ZHX3: variants seen among roughly 807,000 people sequenced by gnomAD.
ZHX3 encodes zinc fingers and homeoboxes 3.
In ZHX3, 20 loss-of-function variants were observed where a neutral mutation model predicts 64.5. The observed-to-expected ratio is 0.31, with a 90% CI of 0.22 to 0.45. The LOEUF is 0.45. Ranked by LOEUF, ZHX3 falls within the 20% of genes least tolerant of loss-of-function variation. The pLI, the probability that ZHX3 is intolerant of heterozygous loss-of-function variation, is 1.00. For synonymous variants in ZHX3, 423 were observed against 461.6 expected (o/e 0.92, Z 1.07); for missense variants, 1,041 against 1,195.8 (o/e 0.87, Z 1.91).
chr20:41,186,390 A>C (rs937530292), intron 3 of ZHX3, among the ~76,000 whole-genome samples: 2 of 152,092 alleles, frequency 1.3e-5, no homozygotes, highest in Admixed American at 1.3e-4. Context: ...CATTTTCTTT[A>C]TTTATCTGGT....
At chr20:41,302,069 A>AT (rs1287849386) in intron 1 of ZHX3, among the ~76,000 whole-genome samples, 1 of 120,352 alleles carries the variant, frequency 8.3e-6, no homozygotes, top group Non-Finnish European at 1.8e-5. Flanking sequence ...AAAAAAAAAA[A>AT]AAAAAAAAAA....
chr20:41,246,960 T>C (rs1185252026), intron 2 of ZHX3, among the ~76,000 whole-genome samples: 3 of 151,914 alleles, frequency 2.0e-5, no homozygotes, highest in Non-Finnish European at 2.9e-5. Flanking sequence ...ACATGAACTC[T>C]TATAAAGAGT....
intron 2 of ZHX3, among the ~76,000 whole-genome samples, chr20:41,225,085 T>A (rs553214067): frequency 6.6e-6 from 1 of 152,350 alleles, no homozygotes; most frequent in African/African-American, 2.4e-5. Context: ...CGGTAGCTGA[T>A]AATGGAGTTA....
At chr20:41,286,070 T>C (rs1053875421) in intron 1 of ZHX3, among the ~76,000 whole-genome samples, 2 of 152,208 alleles carry the variant, frequency 1.3e-5, no homozygotes, top group Non-Finnish European at 2.9e-5. Context: ...CTCTTTTCAA[T>C]TAAAAATGCA....
intron 2 of ZHX3, among the ~76,000 whole-genome samples, chr20:41,206,097 A>C (rs918398743): frequency 6.6e-6 from 1 of 152,230 alleles, no homozygotes; most frequent in Non-Finnish European, 1.5e-5. Context: ...GACTGTTAGA[A>C]GGAAAACTAA....
intron 1 of ZHX3, among the ~76,000 whole-genome samples, chr20:41,273,261 T>C (rs1176884990): frequency 6.6e-6 from 1 of 152,026 alleles, no homozygotes; most frequent in Non-Finnish European, 1.5e-5. Context: ...GAGTTTTTCG[T>C]TTTGTTTTGT....
chr20:41,189,908 CAGA>C (rs2036858780), intron 3 of ZHX3, among the ~76,000 whole-genome samples: 1 of 152,082 alleles, frequency 6.6e-6, no homozygotes, highest in Non-Finnish European at 1.5e-5. Context: ...TTCCAGTTTT[CAGA>C]AGAAGGATTT....
chr20:41,211,849 G>T (rs1023192619), intron 2 of ZHX3, among the ~76,000 whole-genome samples: 1 of 152,300 alleles, frequency 6.6e-6, no homozygotes, highest in Non-Finnish European at 1.5e-5. Flanking sequence ...ATCTCAAAGA[G>T]CATCAACATT....
chr20:41,312,946 T>C (rs928497652), intron 1 of ZHX3, among the ~76,000 whole-genome samples: 3 of 151,896 alleles, frequency 2.0e-5, no homozygotes, highest in African/African-American at 7.3e-5. Context: ...AAAGCAACAG[T>C]GGAAGCTGGG....
intron 3 of ZHX3, among the ~76,000 whole-genome samples, chr20:41,189,971 C>A (rs2036866119): frequency 6.7e-6 from 1 of 149,934 alleles, no homozygotes; most frequent in African/African-American, 2.5e-5. Flanking sequence ...TATTTATGGC[C>A]TTTACTATCT....
At chr20:41,240,651 G>C (rs116358681) in intron 2 of ZHX3, among the ~76,000 whole-genome samples, 1 of 151,742 alleles carries the variant, frequency 6.6e-6, no homozygotes, top group Non-Finnish European at 1.5e-5. Flanking sequence ...TTTCCCCCCC[G>C]TCACTCACCC....
chr20:41,303,038 C>CA (rs5841407), intron 1 of ZHX3, among the ~76,000 whole-genome samples: 87,702 of 152,126 alleles, frequency 0.58, 26,535 homozygotes, highest in East Asian at 0.82. Flanking sequence ...TTATCCTCTT[C>CA]AAGTACTTTA....
At chr20:41,192,730 T>C (rs564579125) in intron 3 of ZHX3, among the ~76,000 whole-genome samples, 7 of 152,278 alleles carry the variant, frequency 4.6e-5, no homozygotes, top group South Asian at 4.1e-4. Context: ...TACAGTCTTT[T>C]GGGGGGTGGG....
At chr20:41,256,619 A>G (rs6029593) in intron 2 of ZHX3, among the ~76,000 whole-genome samples, 84,916 of 147,194 alleles carry the variant, frequency 0.58, 25,880 homozygotes, top group East Asian at 0.82. Flanking sequence ...GCCCCTTCGG[A>G]GGTTTTCAAC....
rs181193520 is a variant in ZHX3, at chr20:41,223,212, T to A, written c.-150-18146A>T. ...AGAAATAGGCACTCTCATACACTGC[T>A]TGCTGGAGTGAAAATTGGTAAGACT... On this transcript the variant is annotated intron_variant, in intron 2 of 3. Transcript: ENST00000683867. 5.1e-4 allele frequency among the ~76,000 whole-genome samples: 77 copies of A among 152,330 alleles called. 1 individual carries two copies. The highest frequency in any genetic ancestry group is 4.8e-3 in the East Asian group (25 of 5,186).
At chr20:41,315,514 G>A (rs1202513184) in intron 1 of ZHX3, among the ~76,000 whole-genome samples, 1 of 151,972 alleles carries the variant, frequency 6.6e-6, no homozygotes, top group Non-Finnish European at 1.5e-5. Flanking sequence ...AGATCTGTCT[G>A]GCAAGGCTCG....
Position 41,179,223 on chromosome 20 carries a change from A to T in ZHX3, c.*5968T>A, listed in dbSNP as rs1291621546. ...TATGGCACAATCTGACCCTCCTAAC[A>T]CTTCTGAACAAAGCAACTGCTCAGA... On this transcript the variant is annotated 3_prime_UTR_variant, in exon 4 of 4. Coordinates refer to ENST00000683867, the MANE Select transcript of ZHX3 (RefSeq NM_001384317.1). This position sits in a 1 kb window ranked among gnomAD's most constrained non-coding sequence, Gnocchi z 4.3. 6.6e-6 allele frequency: 1 copy of T among 152,060 alleles called. No homozygotes were observed. The highest frequency in any genetic ancestry group is 2.4e-5 in the African/African-American group (1 of 41,368). 9.4% of individuals were successfully genotyped at this position (152,060 alleles called of 1,614,324 possible).
chr20:41,201,970 C>T lies in ZHX3; in HGVS notation c.2860+87G>A. 6.9e-7 allele frequency: 1 copy of T among 1,451,726 alleles called. No homozygotes were observed. The highest frequency in any genetic ancestry group is 9.1e-7 in the Non-Finnish European group (1 of 1,097,042). 89.9% of individuals were successfully genotyped at this position (1,451,726 alleles called of 1,614,324 possible). ...CAGGCAGCCTTAGAGACAGCAGATG[C>T]CCCTGTGCAGTAAATTCAGTGCCCA... On this transcript the variant is annotated intron_variant, in intron 3 of 3. Transcript: ENST00000683867. The surrounding 1 kb of genome is among the most constrained non-coding windows in gnomAD (Gnocchi z 5.0).
In ZHX3 at chr20:41,204,614, T is replaced by C. The variant is rs1430246907; in HGVS notation, c.303A>G (p.Thr101=). The stretch of plus-strand genomic sequence containing the variant: ...CAAAGGTTGGGTCTTTATTAAAGTC[T>C]GTGTGCTCTGAGTTCATATGTCCCA... ...QFVGHMNSEH[T]DFNKDPTFVC... is the part of the protein sequence containing the mutation. Residue 101 remains threonine, a synonymous_variant, in exon 3 of 4, where the codon ACA becomes ACG. Coordinates refer to ENST00000683867, the MANE Select transcript of ZHX3 (RefSeq NM_001384317.1). This position sits in a 1 kb window ranked among gnomAD's most constrained non-coding sequence, Gnocchi z 6.6. 1.9e-6 allele frequency: 3 copies of C among 1,614,250 alleles called. No individual in the cohort carries two copies. Among genetic ancestry groups the C allele is most frequent in the South Asian group, 2.2e-5 (2 of 91,084 alleles).
Sources: allele counts gnomAD v4.1 joint callset (sites outside exome capture counted in the v4.1 genomes callset), GRCh38; gene constraint gnomAD v4.1.1; non-coding constraint Gnocchi (gnomAD v3.1); transcripts MANE v1.5; gene names NCBI Gene and HGNC (gene_info 2026-07-23, HGNC 2026-07-21).